The following LRP6 variants were observed in gnomAD, a reference collection of about 807,000 sequenced individuals.
LRP6 encodes low-density lipoprotein receptor-related protein 6.
A neutral mutation model predicts 184.1 loss-of-function variants in LRP6; 43 were observed. The observed-to-expected ratio is 0.23, with a 90% CI of 0.18 to 0.30. LRP6 has a LOEUF of 0.30. Among genes scored for constraint, LRP6 ranks in the 10% least tolerant of loss-of-function variants. The pLI is 1.00. For synonymous variants in LRP6, 719 were observed against 684.9 expected, an observed-to-expected ratio of 1.05 and a Z score of -0.78; for missense variants, 1,571 against 2,005.3, an observed-to-expected ratio of 0.78 and a Z score of 4.14.
chr12:12,187,073 A>G lies in LRP6; in HGVS notation c.694T>C (p.Leu232=), dbSNP rs773051878. 1.6e-5 allele frequency: 26 copies of G among 1,614,032 alleles called. No individual in the cohort carries two copies. The highest frequency in any genetic ancestry group is 4.0e-5 in the African/African-American group (3 of 74,916). ...GTCCAGTACAATATGTCCTCAAATA[A>G]CGTCAAGGCAAAAGGATGTGGAAGG... ...GSLPHPFALT[L]FEDILYWTDW... is the part of the protein sequence containing the mutation. Residue 232 remains leucine, a synonymous_variant, in exon 4 of 23, where the codon TTA becomes CTA. Transcript: ENST00000261349.
intron 7 of LRP6, among the ~76,000 whole-genome samples, chr12:12,176,917 G>A (rs1040634491): frequency 2.0e-5 from 3 of 147,676 alleles, no homozygotes; most frequent in African/African-American, 7.6e-5. Context: ...GCATCATCTC[G>A]GCTCACTGCA....
intron 1 of LRP6, among the ~76,000 whole-genome samples, 191 bp downstream of exon 1, chr12:12,266,490 C>G (rs1177023150): frequency 6.6e-6 from 1 of 152,110 alleles, no homozygotes; most frequent in Non-Finnish European, 1.5e-5. Flanking sequence ...CAGGCCAGGT[C>G]CGCATTGTGG....
At chr12:12,183,084 T>C (rs1175432913) in intron 5 of LRP6, among the ~76,000 whole-genome samples, 1 of 152,232 alleles carries the variant, frequency 6.6e-6, no homozygotes, top group East Asian at 1.9e-4. Flanking sequence ...CACCTTTTAC[T>C]ATGAGGATAA....
At chr12:12,133,534 G>A (rs893241968) in intron 17 of LRP6, among the ~76,000 whole-genome samples, 6 of 151,962 alleles carry the variant, frequency 3.9e-5, no homozygotes, top group Admixed American at 2.0e-4. Context: ...CAATACAGCC[G>A]GCAGAACCAT....
At chr12:12,160,526 C>A (rs899724809) in intron 10 of LRP6, among the ~76,000 whole-genome samples, 2 of 152,132 alleles carry the variant, frequency 1.3e-5, no homozygotes, top group African/African-American at 4.8e-5. Context: ...TCCAAGGGAG[C>A]ATACTATATG....
At chr12:12,204,039 A>G in intron 2 of LRP6, among the ~76,000 whole-genome samples, 1 of 152,178 alleles carries the variant, frequency 6.6e-6, no homozygotes, top group East Asian at 1.9e-4. Context: ...AACCCAGTGG[A>G]TACCACCTTA....
intron 12 of LRP6, chr12:12,155,199 CA>C (rs1950134142): frequency 1.7e-6 from 1 of 600,360 alleles, no homozygotes; most frequent in South Asian, 1.6e-5. Flanking sequence ...CTGTCTCAAA[CA>C]AACAAACAAA....
At chr12:12,217,643 A>G (rs1246091164) in intron 2 of LRP6, among the ~76,000 whole-genome samples, 1 of 152,070 alleles carries the variant, frequency 6.6e-6, no homozygotes, top group African/African-American at 2.4e-5. Flanking sequence ...ACATACTACA[A>G]AGCCACAGTA....
At chr12:12,221,865 T>C (rs1164622257) in intron 2 of LRP6, among the ~76,000 whole-genome samples, 1 of 152,214 alleles carries the variant, frequency 6.6e-6, no homozygotes, top group Non-Finnish European at 1.5e-5. Flanking sequence ...TAAAATATTT[T>C]ATTTTGGTGT....
At chr12:12,256,286 C>T (rs1038099584) in intron 1 of LRP6, among the ~76,000 whole-genome samples, 1 of 152,150 alleles carries the variant, frequency 6.6e-6, no homozygotes, top group African/African-American at 2.4e-5. Context: ...AGGCCAGGCG[C>T]GGTGGCTCAT....
chr12:12,138,875 C>G (rs184256497), intron 15 of LRP6: 3 of 1,375,102 alleles, frequency 2.2e-6, no homozygotes, highest in Non-Finnish European at 2.9e-6. Context: ...TGGTGGTGGA[C>G]CCAGAGTTCT....
chr12:12,205,325 C>CAAAAAAAAAAAAAAAAAAAAAAAAAA (rs1334062234), intron 2 of LRP6, among the ~76,000 whole-genome samples: 1 of 26,230 alleles, frequency 3.8e-5, no homozygotes, highest in African/African-American at 9.6e-5. Context: ...CTGTCTCAAA[C>CAAAAAAAAAAAAAAAAAAAAAAAAAA]AAACAAAAAA....
At chr12:12,210,156 C>T (rs534933097) in intron 2 of LRP6, among the ~76,000 whole-genome samples, 16 of 152,212 alleles carry the variant, frequency 1.1e-4, no homozygotes, top group Admixed American at 9.8e-4. Context: ...GTGACAATAA[C>T]ATTGAGGGAC....
At chr12:12,196,589 A>T (rs1330175998) in intron 3 of LRP6, among the ~76,000 whole-genome samples, 18 of 145,288 alleles carry the variant, frequency 1.2e-4, no homozygotes, top group African/African-American at 4.0e-4. Context: ...AGTTCTAAGA[A>T]TTTTTTTTTT....
At chr12:12,237,207 A>C (rs1411620758) in intron 2 of LRP6, among the ~76,000 whole-genome samples, 3 of 152,218 alleles carry the variant, frequency 2.0e-5, no homozygotes, top group Non-Finnish European at 4.4e-5. Flanking sequence ...ACTGCTCAGG[A>C]AATTACAAGG....
chr12:12,255,975 T>A (rs1044930960), intron 1 of LRP6, among the ~76,000 whole-genome samples: 4 of 152,142 alleles, frequency 2.6e-5, no homozygotes, highest in African/African-American at 9.7e-5. Flanking sequence ...GTCATCAGCA[T>A]CTCTTTCAAA....
chr12:12,164,540 T>A lies in LRP6; in HGVS notation c.1785A>T (p.Glu595Asp), dbSNP rs1467875084. ...RVIGSNPCAE[E>D]NGGCSHLCLY... is the part of the protein sequence containing the mutation. ...GGCAGAGATGGCTACATCCCCCGTT[T>A]TCCTCAGCACAGGGGTTGGAACCTA... The change falls in exon 9 of 23, where the codon GAA (glutamate) becomes GAT (aspartate). Residue 595 changes from glutamate (E) to aspartate (D), a missense_variant. Physicochemically the swap from Glu to Asp is conservative, Grantham distance 45. Around this residue, in one of 4 missense-constraint regions of LRP6, gnomAD observed 640 missense variants for 851.9 expected, o/e 0.75. Coordinates refer to ENST00000261349, the MANE Select transcript of LRP6 (RefSeq NM_002336.3). 6.2e-7 allele frequency: 1 copy of A among 1,614,020 alleles called. No individual in the cohort carries two copies.
At chr12:12,200,781 G>C (rs1591940892) in intron 3 of LRP6, among the ~76,000 whole-genome samples, 1 of 152,122 alleles carries the variant, frequency 6.6e-6, no homozygotes, top group East Asian at 1.9e-4. Context: ...GCCCATGAAA[G>C]CACAGCACTT....
intron 1 of LRP6, among the ~76,000 whole-genome samples, chr12:12,260,400 A>C (rs1347690287): frequency 6.6e-6 from 1 of 151,908 alleles, no homozygotes; most frequent in Non-Finnish European, 1.5e-5. Context: ...AAGAAAAAAA[A>C]TTTAGTGTCA....
Sources: gnomAD v4.1 joint callset for allele counts (sites outside exome capture counted in the v4.1 genomes callset) on GRCh38, gnomAD v4.1.1 for gene constraint, gnomAD v4.1.1 regional missense constraint, MANE v1.5 for transcripts, NCBI Gene and HGNC (gene_info 2026-07-23, HGNC 2026-07-21) for gene names.